The following SPPL3 variants were observed in gnomAD, a reference collection of about 807,000 sequenced individuals.
SPPL3 encodes the protein signal peptide peptidase-like 3.
Under a neutral mutation model 42.4 loss-of-function variants are expected in SPPL3, and 5 were observed. The ratio of observed to expected loss-of-function variants is 0.12; its 90% CI spans 0.06 to 0.25. The LOEUF is 0.25. Ranked by LOEUF, SPPL3 falls within the 10% of genes least tolerant of loss-of-function variation. SPPL3 has a pLI of 1.00. For missense variants in SPPL3, 235 were observed against 489.0 expected (o/e 0.48, Z 4.90); for synonymous variants, 195 against 181.8 (o/e 1.07, Z -0.58).
At chr12:120,864,878 C>G (rs1157138732) in intron 1 of SPPL3, among the ~76,000 whole-genome samples, 1 of 152,052 alleles carries the variant, frequency 6.6e-6, no homozygotes, top group Non-Finnish European at 1.5e-5. Context: ...TTTACGCATT[C>G]TTAAGTGAAA....
intron 1 of SPPL3, among the ~76,000 whole-genome samples, chr12:120,813,850 C>A (rs1421450638): frequency 1.3e-5 from 2 of 152,138 alleles, no homozygotes; most frequent in African/African-American, 4.8e-5. Context: ...AGACTTTCTA[C>A]TTTAACCAAT....
At chr12:120,803,582 A>G (rs1037398534) in intron 2 of SPPL3, among the ~76,000 whole-genome samples, 1 of 152,094 alleles carries the variant, frequency 6.6e-6, no homozygotes, top group Non-Finnish European at 1.5e-5. Context: ...TTTTAAAAAG[A>G]AAGTTTTTTG....
chr12:120,774,167 T>C (rs890245686), intron 6 of SPPL3, among the ~76,000 whole-genome samples: 1 of 152,236 alleles, frequency 6.6e-6, no homozygotes, highest in Admixed American at 6.5e-5. Context: ...CCTCTCATCA[T>C]ACACATGAAA....
chr12:120,828,473 C>A (rs1273367039), intron 1 of SPPL3, among the ~76,000 whole-genome samples: 10 of 151,948 alleles, frequency 6.6e-5, no homozygotes, highest in African/African-American at 2.4e-4. Flanking sequence ...TAATACAGAG[C>A]AGAAATCAAT....
At chr12:120,840,355 A>C (rs1359661546) in intron 1 of SPPL3, among the ~76,000 whole-genome samples, 4 of 151,860 alleles carry the variant, frequency 2.6e-5, no homozygotes, top group Admixed American at 2.6e-4. Context: ...AAAACATGAA[A>C]GCTAAGTGAA....
At chr12:120,780,360 G>A (rs1869484316) in intron 6 of SPPL3, among the ~76,000 whole-genome samples, 1 of 151,386 alleles carries the variant, frequency 6.6e-6, no homozygotes, top group African/African-American at 2.4e-5. Flanking sequence ...AGAGGCAGAG[G>A]TGGGAGGACT....
At chr12:120,841,210 T>A (rs1329100681) in intron 1 of SPPL3, among the ~76,000 whole-genome samples, 1 of 151,454 alleles carries the variant, frequency 6.6e-6, no homozygotes, top group Admixed American at 6.6e-5. Context: ...CTGTAACCCC[T>A]GCTACTCCAG....
chr12:120,899,271 G>A (rs1290296099), intron 1 of SPPL3, among the ~76,000 whole-genome samples: 1 of 152,142 alleles, frequency 6.6e-6, no homozygotes, highest in Non-Finnish European at 1.5e-5. Context: ...CCTCATTCTT[G>A]CAGCACTGGT....
chr12:120,858,889 G>GA (rs1872545230), intron 1 of SPPL3, among the ~76,000 whole-genome samples: 1 of 152,174 alleles, frequency 6.6e-6, no homozygotes, highest in South Asian at 2.1e-4. Context: ...GCCAAACTAT[G>GA]AAGTGAAACT....
At chr12:120,784,090 G>T in intron 4 of SPPL3, 1 of 262,868 alleles carries the variant, frequency 3.8e-6, no homozygotes, top group Admixed American at 4.9e-5. Flanking sequence ...CAATCACTTT[G>T]ATTAGCTATC....
chr12:120,825,648 T>A (rs1370746018), intron 1 of SPPL3, among the ~76,000 whole-genome samples: 1 of 152,216 alleles, frequency 6.6e-6, no homozygotes, highest in Non-Finnish European at 1.5e-5. Context: ...GTACTTGAAG[T>A]CAAGGTTTGT....
chr12:120,841,509 C>T (rs770222542), intron 1 of SPPL3, among the ~76,000 whole-genome samples: 1 of 152,014 alleles, frequency 6.6e-6, no homozygotes, highest in Non-Finnish European at 1.5e-5. Flanking sequence ...CTGAAACCTT[C>T]ATGTTATGGA....
At chr12:120,892,268 G>A (rs1306475937) in intron 1 of SPPL3, among the ~76,000 whole-genome samples, 1 of 152,128 alleles carries the variant, frequency 6.6e-6, no homozygotes. Context: ...CCCTTACAAA[G>A]TGCATTGTCA....
At chr12:120,850,527 C>T (rs889543511) in intron 1 of SPPL3, among the ~76,000 whole-genome samples, 1 of 147,308 alleles carries the variant, frequency 6.8e-6, no homozygotes, top group Non-Finnish European at 1.5e-5. Context: ...AAGCCAAATG[C>T]TGCTATTCTG....
intron 2 of SPPL3, among the ~76,000 whole-genome samples, chr12:120,806,083 A>G (rs943829145): frequency 6.6e-6 from 1 of 152,064 alleles, no homozygotes; most frequent in African/African-American, 2.4e-5. Context: ...GTAGCCAGAA[A>G]AATTTGTAAA....
chr12:120,805,500 C>T (rs981565997), intron 2 of SPPL3, among the ~76,000 whole-genome samples: 3 of 152,110 alleles, frequency 2.0e-5, no homozygotes, highest in Admixed American at 1.3e-4. Flanking sequence ...CACTTCTATT[C>T]GACACTGTAC....
At chr12:120,858,989 TCC>T (rs1350265546) in intron 1 of SPPL3, among the ~76,000 whole-genome samples, 10 of 152,290 alleles carry the variant, frequency 6.6e-5, no homozygotes, top group Middle Eastern at 3.4e-3. Flanking sequence ...CACTCTAGGG[TCC>T]TTATAAGAGA....
At chr12:120,789,443 C>A (rs1467399433) in intron 3 of SPPL3, among the ~76,000 whole-genome samples, 1 of 20,208 alleles carries the variant, frequency 4.9e-5, no homozygotes, top group African/African-American at 1.5e-4. Context: ...GACAGTGAGA[C>A]TCTGTCTCAA....
intron 1 of SPPL3, among the ~76,000 whole-genome samples, chr12:120,854,888 G>A (rs562690624): frequency 6.6e-6 from 1 of 152,288 alleles, no homozygotes; most frequent in East Asian, 1.9e-4. Context: ...ACAGTGCAAT[G>A]AAAATATTCT....
Sources: allele counts gnomAD v4.1 joint callset (sites outside exome capture counted in the v4.1 genomes callset), GRCh38; gene constraint gnomAD v4.1.1; transcripts MANE v1.5; gene names NCBI Gene and HGNC (gene_info 2026-07-23, HGNC 2026-07-21).